Variants in DCAF5 observed in about 807,000 individuals in gnomAD.
DCAF5 encodes DDB1 and CUL4 associated factor 5, also known as DDB1- and CUL4-associated factor 5.
DCAF5 carries 9 observed loss-of-function variants against 80.7 expected under a neutral mutation model. That is an observed-to-expected ratio of 0.11 (90% CI 0.07 to 0.19). The LOEUF is 0.19. Ranked by LOEUF, DCAF5 falls within the 10% of genes least tolerant of loss-of-function variation. The pLI, the probability that DCAF5 is intolerant of heterozygous loss-of-function variation, is 1.00. For synonymous variants in DCAF5, 433 were observed against 461.9 expected, an observed-to-expected ratio of 0.94 and a Z score of 0.80; for missense variants, 842 against 1,205.7, an observed-to-expected ratio of 0.70 and a Z score of 4.47.
At chr14:69,133,430 T>G (rs546337653) in intron 1 of DCAF5, among the ~76,000 whole-genome samples, 1 of 152,300 alleles carries the variant, frequency 6.6e-6, no homozygotes, top group African/African-American at 2.4e-5. Flanking sequence ...AAATACAGAC[T>G]CAAGATTGCC....
chr14:69,137,171 T>C (rs2041220952), intron 1 of DCAF5, among the ~76,000 whole-genome samples: 2 of 152,216 alleles, frequency 1.3e-5, no homozygotes, highest in Admixed American at 1.3e-4. Flanking sequence ...CAGGCAATTT[T>C]CCATAGTAAA....
intron 6 of DCAF5, chr14:69,084,048 A>T (rs1254094152): frequency 5.2e-5 from 41 of 781,286 alleles, no homozygotes; most frequent in Non-Finnish European, 8.1e-5. Context: ...TGCAGCTACA[A>T]AAACCGTCAG....
chr14:69,066,259 C>T lies in DCAF5; in HGVS notation c.947-3748G>A, dbSNP rs555308630. On this transcript the variant is annotated intron_variant, in intron 7 of 8. Coordinates refer to ENST00000341516, the MANE Select transcript of DCAF5 (RefSeq NM_003861.3). ...AAGCAATTCTCCTGCCTCAGCCTTC[C>T]GACTAGCTGGGATTACAGGCGCACA... is the stretch of plus-strand genomic sequence containing the variant. 1.4e-3 allele frequency among the ~76,000 whole-genome samples: 215 copies of T among 152,056 alleles called. 5 individuals carry two copies. The South Asian group carries it at 0.028, about 20-fold the overall frequency.
intron 1 of DCAF5, among the ~76,000 whole-genome samples, chr14:69,132,500 A>C (rs1003177467): frequency 1.3e-5 from 2 of 151,772 alleles, no homozygotes; most frequent in Non-Finnish European, 2.9e-5. Context: ...TTTTCTATTC[A>C]CTCACCCCAT....
rs1021118558 is a variant in DCAF5 at position 69,103,311 on chromosome 14, T to C, written c.666-11424A>G. 2.6e-5 allele frequency among the ~76,000 whole-genome samples: 4 copies of C among 152,320 alleles called. No individual in the cohort carries two copies. The South Asian group carries it at 8.3e-4, about 32-fold the overall frequency. On this transcript the variant is annotated intron_variant, in intron 5 of 8. Transcript: ENST00000341516. ...GGAAGCATATATTATAAACTCATAA[T>C]ACTCACTACCCCCAGGAGAAAACAT...
At chr14:69,088,412 G>A (rs534535019) in intron 6 of DCAF5, among the ~76,000 whole-genome samples, 13 of 152,336 alleles carry the variant, frequency 8.5e-5, no homozygotes, top group African/African-American at 2.6e-4. Flanking sequence ...CAATGAGCAT[G>A]AGGGAGACAC....
At chr14:69,136,235 C>T (rs1309211145) in intron 1 of DCAF5, among the ~76,000 whole-genome samples, 2 of 151,448 alleles carry the variant, frequency 1.3e-5, no homozygotes, top group South Asian at 4.2e-4. Flanking sequence ...CCTACCTCAG[C>T]CTCCAGAGTA....
intron 1 of DCAF5, among the ~76,000 whole-genome samples, chr14:69,146,829 G>T (rs574983506): frequency 2.8e-4 from 43 of 152,252 alleles, no homozygotes; most frequent in African/African-American, 8.9e-4. Context: ...GAAAAGGCCA[G>T]AAGAAAATTT....
intron 6 of DCAF5, among the ~76,000 whole-genome samples, chr14:69,085,816 T>C (rs1012732116): frequency 1.3e-5 from 2 of 152,154 alleles, no homozygotes; most frequent in African/African-American, 4.8e-5. Flanking sequence ...AAAAAAGACA[T>C]ACAAGGAATT....
chr14:69,125,633 T>C (rs1306945503), intron 1 of DCAF5, among the ~76,000 whole-genome samples: 2 of 152,178 alleles, frequency 1.3e-5, no homozygotes, highest in African/African-American at 2.4e-5. Flanking sequence ...TTGGTCATAA[T>C]ATCAAGAAAA....
intron 6 of DCAF5, chr14:69,083,906 A>T (rs1330910418): frequency 1.3e-6 from 1 of 777,352 alleles, no homozygotes; most frequent in African/African-American, 1.7e-5. Context: ...GCTTTTGAGG[A>T]TACTTCATTT....
At chr14:69,093,986 A>T (rs1031680520) in intron 5 of DCAF5, among the ~76,000 whole-genome samples, 32 of 152,210 alleles carry the variant, frequency 2.1e-4, no homozygotes, top group Non-Finnish European at 1.0e-4. Context: ...TTTCCTTTAC[A>T]GGGTGCTGTG....
chr14:69,069,251 T>C (rs1364193626), intron 7 of DCAF5, among the ~76,000 whole-genome samples: 2 of 152,112 alleles, frequency 1.3e-5, no homozygotes, highest in Non-Finnish European at 2.9e-5. Flanking sequence ...GTGGGGGTGG[T>C]TACAGTGACT....
chr14:69,133,736 T>C (rs1208577220), intron 1 of DCAF5, among the ~76,000 whole-genome samples: 4 of 152,222 alleles, frequency 2.6e-5, no homozygotes, highest in African/African-American at 9.7e-5. Flanking sequence ...CATTTTTCCA[T>C]GTCTCTAATG....
intron 2 of DCAF5, among the ~76,000 whole-genome samples, chr14:69,121,197 G>C (rs2040708641): frequency 6.6e-6 from 1 of 152,210 alleles, no homozygotes; most frequent in African/African-American, 2.4e-5. Flanking sequence ...AGGCACTGTA[G>C]GCTCAATGGT....
chr14:69,056,850 A>G (rs2037994296), intron 8 of DCAF5, among the ~76,000 whole-genome samples: 2 of 151,958 alleles, frequency 1.3e-5, no homozygotes, highest in Non-Finnish European at 2.9e-5. Context: ...GGCTGAAGAA[A>G]CCTTCTAGAT....
At chr14:69,133,716 C>A (rs1049088107) in intron 1 of DCAF5, among the ~76,000 whole-genome samples, 1 of 152,146 alleles carries the variant, frequency 6.6e-6, no homozygotes, top group Admixed American at 6.5e-5. Flanking sequence ...CACTTATCTA[C>A]CTATTATCTC....
chr14:69,106,527 C>T (rs1351077800), intron 5 of DCAF5, among the ~76,000 whole-genome samples: 1 of 151,964 alleles, frequency 6.6e-6, no homozygotes, highest in African/African-American at 2.4e-5. Context: ...GCCACTACCC[C>T]ACCTGGCTAA....
At chr14:69,074,579 C>G (rs1054486410) in intron 7 of DCAF5, among the ~76,000 whole-genome samples, 1 of 152,032 alleles carries the variant, frequency 6.6e-6, no homozygotes, top group African/African-American at 2.4e-5. Context: ...CAACAAAGCC[C>G]CAGGGAACAT....
Sources: gnomAD v4.1 joint callset for allele counts (sites outside exome capture counted in the v4.1 genomes callset) on GRCh38, gnomAD v4.1.1 for gene constraint, MANE v1.5 for transcripts, NCBI Gene and HGNC (gene_info 2026-07-23, HGNC 2026-07-21) for gene names.